Variants in MAP3K9 observed in about 807,000 individuals in gnomAD.
MAP3K9 encodes the protein mitogen-activated protein kinase kinase kinase 9.
Under a neutral mutation model 95.8 loss-of-function variants are expected in MAP3K9, and 46 were observed. That is an observed-to-expected ratio of 0.48 (90% CI 0.38 to 0.61). The LOEUF (loss-of-function observed/expected upper bound fraction) is 0.61, where lower values mean the gene tolerates loss of function less well. Ranked by LOEUF, MAP3K9 falls within the 20% of genes least tolerant of loss-of-function variation. The pLI is 0.00. For missense variants in MAP3K9, 1,296 were observed against 1,474.3 expected, an observed-to-expected ratio of 0.88 and a Z score of 1.98; for synonymous variants, 533 against 593.8, an observed-to-expected ratio of 0.90 and a Z score of 1.49.
intron 8 of MAP3K9, among the ~76,000 whole-genome samples, chr14:70,737,215 G>T (rs747341739): frequency 2.0e-4 from 30 of 152,164 alleles, no homozygotes; most frequent in Admixed American, 5.2e-4. Context: ...TGAGAAGCAG[G>T]AAGTGTCATC....
chr14:70,801,116 A>T (rs777299749), intron 1 of MAP3K9, 36 bp from the exon 2 acceptor site: 2 of 1,577,480 alleles, frequency 1.3e-6, no homozygotes, highest in Middle Eastern at 1.7e-4. Flanking sequence ...CAAGTCAAAA[A>T]CATCTTGAAA....
intron 2 of MAP3K9, among the ~76,000 whole-genome samples, chr14:70,798,948 AT>A (rs528030780): frequency 5.4e-4 from 83 of 152,330 alleles, no homozygotes; most frequent in African/African-American, 1.9e-3. Flanking sequence ...CTAATGTTCC[AT>A]ACCCTTACAA....
chr14:70,772,093 G>A (rs973601281), intron 2 of MAP3K9, among the ~76,000 whole-genome samples: 3 of 152,184 alleles, frequency 2.0e-5, no homozygotes, highest in African/African-American at 4.8e-5. Flanking sequence ...TAGACTCCCC[G>A]ACTCGACCTC....
chr14:70,778,108 T>C (rs2054623781), intron 2 of MAP3K9, among the ~76,000 whole-genome samples: 2 of 152,100 alleles, frequency 1.3e-5, no homozygotes, highest in South Asian at 4.2e-4. Context: ...GTTATTGTTG[T>C]TGTTGTTGTT....
At chr14:70,788,550 C>G (rs559493451) in intron 2 of MAP3K9, among the ~76,000 whole-genome samples, 7 of 152,310 alleles carry the variant, frequency 4.6e-5, no homozygotes, top group African/African-American at 1.7e-4. Flanking sequence ...AGGTAAGACT[C>G]AAATCCAGTT....
rs775490417 is a variant in MAP3K9, at chr14:70,732,829, C to A, written c.2540G>T (p.Arg847Leu). 2 of 1,613,944 alleles carry A rather than the reference C, an allele frequency of 1.2e-6. No homozygotes were observed. The highest frequency in any genetic ancestry group is 1.7e-5 in the Admixed American group (1 of 60,004). ...ATCGCTGTCGGAGCGCAGCAGGGAG[C>A]GTGTGGAGTTGCACTCGGAGATGGA... ...LSSISECNST[R>L]SLLRSDSDEI... The change falls in exon 11 of 12, where the codon CGC (arginine) becomes CTC (leucine). Residue 847 changes from arginine to leucine, a missense_variant. Arg to Leu is a moderately radical substitution (Grantham distance 102, BLOSUM62 -2). Coordinates refer to ENST00000554752, the MANE Select transcript of MAP3K9 (RefSeq NM_001284230.2).
At chr14:70,806,088 G>T (rs944409211) in intron 1 of MAP3K9, among the ~76,000 whole-genome samples, 1 of 152,196 alleles carries the variant, frequency 6.6e-6, no homozygotes, top group African/African-American at 2.4e-5. Context: ...CAGAGGAGAA[G>T]TTCAAAAGGG....
At chr14:70,784,630 C>A in intron 2 of MAP3K9, among the ~76,000 whole-genome samples, 1 of 152,102 alleles carries the variant, frequency 6.6e-6, no homozygotes, top group Non-Finnish European at 1.5e-5. Context: ...GTAATCCCAG[C>A]TACTCAGGAG....
intron 3 of MAP3K9, among the ~76,000 whole-genome samples, chr14:70,760,351 T>G (rs2054356395): frequency 6.6e-6 from 1 of 152,174 alleles, no homozygotes; most frequent in African/African-American, 2.4e-5. Flanking sequence ...TCTATTTCCT[T>G]GCAACCTTTT....
rs1241067627 is a variant in MAP3K9 at position 70,728,592 on chromosome 14, G to C, written c.*1788C>G. 1 of 152,232 alleles carries C rather than the reference G, an allele frequency of 6.6e-6. No homozygotes were observed. Among genetic ancestry groups the C allele is most frequent in the African/African-American group, 2.4e-5 (1 of 41,450 alleles). 9.4% of individuals were successfully genotyped at this position (152,232 alleles called of 1,614,324 possible). A position where few individuals can be genotyped will look rare whatever the true frequency, so the allele number is the denominator to read the frequency against. ...TTCACTGAACAAAGAGAAGGACACA[G>C]AAGAGAAGCAATAACAAAACCTTGG... is the stretch of plus-strand genomic sequence containing the variant. On this transcript the variant is annotated 3_prime_UTR_variant, in exon 12 of 12. Transcript: ENST00000554752.
chr14:70,784,985 T>G (rs1004550254), intron 2 of MAP3K9, among the ~76,000 whole-genome samples: 1 of 152,184 alleles, frequency 6.6e-6, no homozygotes, highest in Non-Finnish European at 1.5e-5. Flanking sequence ...CAGACTCTGG[T>G]GAGTCACAGG....
chr14:70,762,648 A>T (rs1411996160), intron 2 of MAP3K9, among the ~76,000 whole-genome samples: 2 of 152,118 alleles, frequency 1.3e-5, no homozygotes, highest in Non-Finnish European at 2.9e-5. Flanking sequence ...CTGATACTAG[A>T]CCCTTATCAG....
At chr14:70,787,529 G>A (rs1044729743) in intron 2 of MAP3K9, among the ~76,000 whole-genome samples, 7 of 150,612 alleles carry the variant, frequency 4.6e-5, no homozygotes, top group Non-Finnish European at 7.4e-5. Flanking sequence ...AAAAAAGATC[G>A]GTCATTGCCA....
At chr14:70,783,466 T>A (rs1309807546) in intron 2 of MAP3K9, 3 of 920,658 alleles carry the variant, frequency 3.3e-6, no homozygotes, top group Non-Finnish European at 3.9e-6. Context: ...GGATTCACTC[T>A]TTGTCCCCTC....
rs757166012 is a variant in MAP3K9, at chr14:70,733,265, G to T, written c.2104C>A (p.Pro702Thr). 6.2e-7 allele frequency: 1 copy of T among 1,611,848 alleles called. No homozygotes were observed. The highest frequency in any genetic ancestry group is 1.1e-5 in the South Asian group (1 of 90,792). Residue 702 changes from proline (P) to threonine (T), a missense_variant, in exon 11 of 12, where the codon CCA becomes ACA. By Grantham distance (38) the Pro-to-Thr change is conservative. Transcript: ENST00000554752. ...TCGCCATCCTCTCCACGAGGGAATG[G>T]GATACAGAGGTAGGACTGGCTGGGT... The part of the protein sequence containing the change: ...HSPSQSYLCI[P>T]FPRGEDGDGP...
rs753691995 is a variant in MAP3K9 at position 70,809,111 on chromosome 14, C to A, written c.61G>T (p.Gly21Trp). ...GCCCCGGCCCCTGCTCCATCCTCCC[C>A]CGGCGGGGCGGCAGCGGCGGCGCTC... Reference protein sequence around the residue: ...LASAAAAAPPGEDGAGAGAEE... With the variant: ...LASAAAAAPPWEDGAGAGAEE... The change falls in exon 1 of 12, where the codon GGG becomes TGG. Residue 21 changes from glycine (G) to tryptophan (W), a missense_variant. By Grantham distance (184) the Gly-to-Trp change is radical (BLOSUM62 -2). Coordinates refer to ENST00000554752, the MANE Select transcript of MAP3K9 (RefSeq NM_001284230.2). 3.0e-4 allele frequency: 419 copies of A among 1,383,378 alleles called. No homozygotes were observed. Among genetic ancestry groups the A allele is most frequent in the Middle Eastern group, 5.0e-4 (2 of 4,004 alleles). The allele number at this position is 1,383,378 out of a possible 1,614,324, so 85.7% of individuals were successfully genotyped here.
chr14:70,739,319 G>A (rs1466179541), intron 7 of MAP3K9, among the ~76,000 whole-genome samples: 1 of 151,900 alleles, frequency 6.6e-6, no homozygotes, highest in Non-Finnish European at 1.5e-5. Flanking sequence ...TTTAGTAGAG[G>A]CGGGGTTTCA....
chr14:70,733,415 T>C, intron 10 of MAP3K9, 73 bp from the exon 11 acceptor site: 1 of 683,458 alleles, frequency 1.5e-6, no homozygotes, highest in Non-Finnish European at 2.5e-6. Flanking sequence ...TCTGGCCCTT[T>C]CCCCTCACCC....
Position 70,732,990 on chromosome 14 carries a change from T to C in MAP3K9, c.2379A>G (p.Arg793=). The change falls in exon 11 of 12, where the codon AGA becomes AGG. Residue 793 remains arginine, a synonymous_variant. Coordinates refer to ENST00000554752, the MANE Select transcript of MAP3K9 (RefSeq NM_001284230.2). ...TGGACCTCTGAAAAAGACCCTCCCG[T>C]CTTTTCTTCTCCTCCCGGGCTGGTG... ...PEPPAREEKK[R]REGLFQRSSR... The C allele has an allele frequency of 6.2e-7, 1 of 1,614,058 alleles. No homozygotes were observed. Among genetic ancestry groups the C allele is most frequent in the Non-Finnish European group, 8.5e-7 (1 of 1,179,998 alleles).
Sources: allele counts gnomAD v4.1 joint callset (sites outside exome capture counted in the v4.1 genomes callset), GRCh38; gene constraint gnomAD v4.1.1; transcripts MANE v1.5; gene names NCBI Gene and HGNC (gene_info 2026-07-23, HGNC 2026-07-21).